The following PRH1 variants were observed in gnomAD, a reference collection of about 807,000 sequenced individuals.
PRH1 encodes salivary acidic proline-rich phosphoprotein 1/2.
In PRH1, 7 loss-of-function variants were observed where a neutral mutation model predicts 7.9. The observed-to-expected ratio is 0.89, with a 90% confidence interval of 0.50 to 1.67. The LOEUF is 1.67. PRH1 is among the 40% of genes most tolerant of loss of function. PRH1 has a pLI of 0.00. For synonymous variants in PRH1, 45 were observed against 80.8 expected (o/e 0.56, Z 2.38); for missense variants, 109 against 223.6 (o/e 0.49, Z 3.27).
upstream of PRH1, among the ~76,000 whole-genome samples, chr12:11,051,425 T>G (rs889977441): frequency 2.6e-5 from 4 of 152,202 alleles, no homozygotes; most frequent in Non-Finnish European, 5.9e-5. Context: ...TTTCTTCTGA[T>G]TAATAATTTT....
intron 1 of PRH1, among the ~76,000 whole-genome samples, chr12:11,142,845 C>T (rs978203561): frequency 1.3e-5 from 2 of 152,132 alleles, no homozygotes; most frequent in African/African-American, 4.8e-5. Context: ...AATAGTGTTA[C>T]TGGAGAAAAT....
intron 1 of PRH1, among the ~76,000 whole-genome samples, chr12:11,013,616 C>T (rs1941157789): frequency 6.6e-6 from 1 of 152,090 alleles, no homozygotes; most frequent in South Asian, 2.1e-4. Context: ...TAATAATCCC[C>T]TGCCTATCAA....
intron 1 of PRH1, among the ~76,000 whole-genome samples, chr12:11,150,193 G>C (rs1947023032): frequency 6.6e-6 from 1 of 151,332 alleles, no homozygotes. Context: ...AGGATGTGGA[G>C]AAATAGGAAC....
At chr12:11,134,196 A>T in intron 1 of PRH1, 1 of 1,613,732 alleles carries the variant, frequency 6.2e-7, no homozygotes, top group Non-Finnish European at 8.5e-7. Context: ...CCAATAACAA[A>T]TATAACCACT....
chr12:11,168,013 C>T (rs944912484), intron 1 of PRH1, among the ~76,000 whole-genome samples: 2 of 151,530 alleles, frequency 1.3e-5, no homozygotes, highest in African/African-American at 4.9e-5. Flanking sequence ...ATGAAGAATA[C>T]AATAGATCTT....
intron 2 of PRH1, chr12:10,964,536 G>T: frequency 3.6e-6 from 1 of 277,722 alleles, no homozygotes; most frequent in South Asian, 6.4e-5. Flanking sequence ...TGAAATGAAG[G>T]GTATATAATT....
intron 1 of PRH1, among the ~76,000 whole-genome samples, chr12:11,066,248 C>T (rs1164889416): frequency 6.6e-6 from 1 of 152,172 alleles, no homozygotes; most frequent in African/African-American, 2.4e-5. Flanking sequence ...CCATCACTCA[C>T]ACAAGTGTGA....
chr12:11,068,886 C>G (rs1231380343), intron 1 of PRH1, among the ~76,000 whole-genome samples: 1 of 147,010 alleles, frequency 6.8e-6, no homozygotes, highest in Non-Finnish European at 1.5e-5. Flanking sequence ...CATCTTTTCC[C>G]TTAGATTTTT....
At chr12:11,168,681 T>C (rs35151793) in intron 1 of PRH1, among the ~76,000 whole-genome samples, 68,658 of 151,424 alleles carry the variant, frequency 0.45, 16,284 homozygotes, top group Non-Finnish European at 0.52. Context: ...TGGAAAAGCA[T>C]CATGCCCAGC....
chr12:11,145,879 T>C (rs1373953445), intron 1 of PRH1, among the ~76,000 whole-genome samples: 1 of 152,154 alleles, frequency 6.6e-6, no homozygotes. Flanking sequence ...TTTTTAAGCA[T>C]AAAAAATGTT....
At chr12:11,049,551 A>G (rs1022397389), upstream of PRH1, among the ~76,000 whole-genome samples, 104 of 152,400 alleles carry the variant, frequency 6.8e-4, no homozygotes, top group Non-Finnish European at 3.4e-4. Context: ...ATTGAGGATG[A>G]AGTGAAAAGT....
In PRH1 at chr12:11,094,182, G is replaced by T. The variant is rs182097633; in HGVS notation, n.124-46994C>A. Among the ~76,000 whole-genome samples, 2 of 109,118 alleles carry T rather than the reference G, an allele frequency of 1.8e-5. 1 individual carries two copies. The highest frequency in any genetic ancestry group is 4.3e-5 in the Non-Finnish European group (2 of 46,980). The allele number at this position is 109,118 out of a possible 152,430, so 71.6% of individuals were successfully genotyped here. On this transcript the variant is annotated intron_variant and non_coding_transcript_variant, in intron 1 of 4. Transcript: ENST00000541977. ...CAGGGCATGGTGGTGTGGGCCTGTA[G>T]CCCCAGCTACTCAGGAGGCTGAGGC...
At chr12:11,001,032 C>T (rs1174302484) in intron 1 of PRH1, among the ~76,000 whole-genome samples, 1 of 152,016 alleles carries the variant, frequency 6.6e-6, no homozygotes, top group African/African-American at 2.4e-5. Flanking sequence ...GTATGCTTGA[C>T]ATGAAAATGC....
chr12:11,112,588 T>C (rs1281686373), intron 1 of PRH1, among the ~76,000 whole-genome samples: 1 of 152,188 alleles, frequency 6.6e-6, no homozygotes, highest in African/African-American at 2.4e-5. Context: ...AAAAGGCCTT[T>C]GATAAAATTC....
rs139253542 is a variant in PRH1 at position 10,922,825 on chromosome 12, C to CTTTT, written c.-58-38554_-58-38551dup. ...ATTGCATCTTTTCCATGAATTTTTT[C>CTTTT]TTTTTCTTTTTTTTGAGACGGAGTC... On this transcript the variant is annotated intron_variant, in intron 2 of 3. Transcript: ENST00000539853. Among the ~76,000 whole-genome samples, 70 of 113,576 alleles carry CTTTT rather than the reference C, an allele frequency of 6.2e-4. 11 individuals carry two copies. The highest frequency in any genetic ancestry group is 8.9e-4 in the Non-Finnish European group (51 of 57,050). The allele number at this position is 113,576 out of a possible 152,430, so 74.5% of individuals were successfully genotyped here. A position where few individuals can be genotyped will look rare whatever the true frequency, so the allele number is the denominator to read the frequency against.
intron 2 of PRH1, among the ~76,000 whole-genome samples, chr12:10,945,831 C>G (rs1950478454): frequency 6.6e-6 from 1 of 152,282 alleles, no homozygotes; most frequent in Middle Eastern, 3.4e-3. Context: ...GAGGCCTCCC[C>G]TCAGGGACAC....
chr12:11,016,812 T>C (rs1941319006), intron 1 of PRH1, among the ~76,000 whole-genome samples: 1 of 152,152 alleles, frequency 6.6e-6, no homozygotes, highest in Non-Finnish European at 1.5e-5. Context: ...GGGACATTAT[T>C]AGAGCAGAAC....
chr12:10,935,246 G>C (rs1301454280), intron 2 of PRH1, among the ~76,000 whole-genome samples: 1 of 152,036 alleles, frequency 6.6e-6, no homozygotes, highest in Non-Finnish European at 1.5e-5. Flanking sequence ...TAAGAATATA[G>C]GGCTCAGGAA....
intron 1 of PRH1, among the ~76,000 whole-genome samples, chr12:11,085,026 TAG>T (rs1944638372): frequency 1.8e-5 from 2 of 113,840 alleles, no homozygotes; most frequent in East Asian, 4.2e-4. Context: ...TTCACCGTGT[TAG>T]CCAGGATGGT....
Sources: gnomAD v4.1 joint callset for allele counts (sites outside exome capture counted in the v4.1 genomes callset) on GRCh38, gnomAD v4.1.1 for gene constraint, MANE v1.5 for transcripts, NCBI Gene and HGNC (gene_info 2026-07-23, HGNC 2026-07-21) for gene names.